HRH1: variants seen among roughly 807,000 people sequenced by gnomAD.
HRH1 encodes the protein histamine receptor H1.
A neutral mutation model predicts 10.3 loss-of-function variants in HRH1; 6 were observed. That is an observed-to-expected ratio of 0.58 (90% CI 0.32 to 1.15). The LOEUF (loss-of-function observed/expected upper bound fraction) is 1.15, where lower values mean the gene tolerates loss of function less well. HRH1 is among the 50% of genes most tolerant of loss of function. HRH1 has a pLI of 0.05. For synonymous variants in HRH1, 242 were observed against 236.7 expected (o/e 1.02, Z -0.21); for missense variants, 514 against 615.3 (o/e 0.84, Z 1.74).
intron 1 of HRH1, among the ~76,000 whole-genome samples, chr3:11,185,846 G>A (rs962095036): frequency 2.5e-4 from 38 of 152,184 alleles, no homozygotes; most frequent in African/African-American, 7.5e-4. Context: ...GCACTCAGAC[G>A]TTGTTTACGG....
chr3:11,256,529 G>A (rs1456973450), intron 1 of HRH1, among the ~76,000 whole-genome samples: 1 of 152,058 alleles, frequency 6.6e-6, no homozygotes, highest in African/African-American at 2.4e-5. Context: ...GGCCAGGCAC[G>A]GTGGCTCACA....
In HRH1 at chr3:11,263,073, T is replaced by C. The variant is rs1939998628; in HGVS notation, c.*2572T>C. The stretch of plus-strand genomic sequence containing the variant: ...GAGGAACTGCTCCGAGGTCTGATTC[T>C]GGAATGTGCTTCCTTTCCACTTTAT... On this transcript the variant is annotated 3_prime_UTR_variant, in exon 2 of 2. Coordinates refer to ENST00000431010, the MANE Select transcript of HRH1 (RefSeq NM_001098212.2). The C allele has an allele frequency of 6.0e-6, 1 of 167,128 alleles. No homozygotes were observed. Among genetic ancestry groups the C allele is most frequent in the African/African-American group, 2.4e-5 (1 of 41,472 alleles). 10.4% of individuals were successfully genotyped at this position (167,128 alleles called of 1,614,324 possible).
At chr3:11,223,170 C>T (rs1424605989) in intron 1 of HRH1, among the ~76,000 whole-genome samples, 2 of 107,132 alleles carry the variant, frequency 1.9e-5, no homozygotes, top group Non-Finnish European at 3.4e-5. Context: ...GGCGACAAAG[C>T]GAGACTTCGT....
intron 1 of HRH1, among the ~76,000 whole-genome samples, chr3:11,203,437 A>C (rs1938006043): frequency 1.3e-5 from 2 of 152,192 alleles, no homozygotes; most frequent in Non-Finnish European, 2.9e-5. Flanking sequence ...TTGCCAACCC[A>C]AGGTCATCCA....
At chr3:11,232,014 A>G (rs1231560782) in intron 1 of HRH1, among the ~76,000 whole-genome samples, 1 of 144,678 alleles carries the variant, frequency 6.9e-6, no homozygotes, top group Non-Finnish European at 1.5e-5. Context: ...TTTTTTTTAG[A>G]CTGAGTCTCG....
chr3:11,181,490 G>A (rs945351572), intron 1 of HRH1, among the ~76,000 whole-genome samples: 3 of 150,916 alleles, frequency 2.0e-5, no homozygotes, highest in South Asian at 2.1e-4. Flanking sequence ...TTATTTTAAC[G>A]ACCCTAGTGT....
At chr3:11,147,777 G>A (rs1936488137) in intron 1 of HRH1, among the ~76,000 whole-genome samples, 1 of 152,170 alleles carries the variant, frequency 6.6e-6, no homozygotes, top group South Asian at 2.1e-4. Flanking sequence ...GAGTGGTGAA[G>A]TGACTTTCTA....
intron 1 of HRH1, among the ~76,000 whole-genome samples, chr3:11,229,582 T>C (rs1323356204): frequency 1.3e-5 from 2 of 152,214 alleles, no homozygotes; most frequent in Non-Finnish European, 2.9e-5. Flanking sequence ...TCAGTCCTGA[T>C]TACCTCCAAG....
At chr3:11,188,714 G>C (rs756645327) in intron 1 of HRH1, among the ~76,000 whole-genome samples, 80 of 152,100 alleles carry the variant, frequency 5.3e-4, no homozygotes, top group Non-Finnish European at 9.8e-4. Context: ...AGAAATTTTA[G>C]GTAGCTATTA....
At chr3:11,171,665 A>T (rs879589151) in intron 1 of HRH1, among the ~76,000 whole-genome samples, 1 of 152,226 alleles carries the variant, frequency 6.6e-6, no homozygotes, top group Non-Finnish European at 1.5e-5. Flanking sequence ...GGCAAAGATG[A>T]ACTTCTCACT....
At position 11,206,007 on chromosome 3, in the gene HRH1, A is replaced by ACCTT. The variant is rs544611019; in HGVS notation, c.-36+51456_-36+51459dup. Among the ~76,000 whole-genome samples, 98 of 152,010 alleles carry ACCTT rather than the reference A, an allele frequency of 6.4e-4. 1 individual carries two copies. In the South Asian group the frequency reaches 0.013, roughly 20 times the overall value. Reference sequence around the variant, plus strand: ...TCAGATGGCTGCCATTTGGGGCTGGACCTTCCCCAGGCCCTGGATGTCTGA... The same window carrying ACCTT: ...TCAGATGGCTGCCATTTGGGGCTGGACCTTCCTTCCCCAGGCCCTGGATGTCTGA... On this transcript the variant is annotated intron_variant, in intron 1 of 1. Transcript: ENST00000431010.
At chr3:11,153,762 C>T (rs1936707242), upstream of HRH1, among the ~76,000 whole-genome samples, 1 of 152,148 alleles carries the variant, frequency 6.6e-6, no homozygotes, top group Admixed American at 6.5e-5. Context: ...GCCTCACCCC[C>T]ACCCCACTCC....
At chr3:11,227,622 G>T (rs1477757186) in intron 1 of HRH1, among the ~76,000 whole-genome samples, 1 of 152,100 alleles carries the variant, frequency 6.6e-6, no homozygotes, top group Non-Finnish European at 1.5e-5. Flanking sequence ...CCCAGAAGGA[G>T]GCCTGTCTGA....
At chr3:11,239,306 A>G (rs944591958) in intron 1 of HRH1, among the ~76,000 whole-genome samples, 1 of 152,226 alleles carries the variant, frequency 6.6e-6, no homozygotes, top group African/African-American at 2.4e-5. Flanking sequence ...CCATTCCTCT[A>G]TCTTATTTGG....
chr3:11,137,349 C>G (rs1189757340), exon 1 of HRH1: 1 of 152,392 alleles, frequency 6.6e-6, no homozygotes, highest in African/African-American at 2.4e-5. Context: ...AAATGAACTA[C>G]AAGAAGCAAG....
intron 1 of HRH1, among the ~76,000 whole-genome samples, chr3:11,199,650 C>T (rs1937823618): frequency 6.6e-6 from 1 of 152,210 alleles, no homozygotes; most frequent in African/African-American, 2.4e-5. Context: ...TCTCTGGCCC[C>T]TCCTAGTCCT....
intron 1 of HRH1, among the ~76,000 whole-genome samples, chr3:11,157,993 C>T (rs754729403): frequency 2.6e-5 from 4 of 152,190 alleles, no homozygotes; most frequent in Non-Finnish European, 5.9e-5. Flanking sequence ...TTGTTTTATT[C>T]ACCAGGACAT....
At chr3:11,208,208 A>G (rs1938207469) in intron 1 of HRH1, among the ~76,000 whole-genome samples, 1 of 148,102 alleles carries the variant, frequency 6.8e-6, no homozygotes, top group Non-Finnish European at 1.5e-5. Context: ...GCTGGAGTGC[A>G]GTGGTGCAAT....
chr3:11,198,321 T>C (rs1428463289), intron 1 of HRH1, among the ~76,000 whole-genome samples: 2 of 152,066 alleles, frequency 1.3e-5, no homozygotes, highest in Non-Finnish European at 2.9e-5. Flanking sequence ...CCCCCCACAT[T>C]CCAATTCCCG....
Sources: allele counts gnomAD v4.1 joint callset (sites outside exome capture counted in the v4.1 genomes callset), GRCh38; gene constraint gnomAD v4.1.1; transcripts MANE v1.5; gene names NCBI Gene and HGNC (gene_info 2026-07-23, HGNC 2026-07-21).